The following CARMIL3 variants were observed in gnomAD, a reference collection of about 807,000 sequenced individuals.
The protein encoded by CARMIL3 is capping protein, Arp2/3 and myosin-I linker protein 3.
Under a neutral mutation model 180.8 loss-of-function variants are expected in CARMIL3, and 88 were observed. That is an observed-to-expected ratio of 0.49 (90% CI 0.41 to 0.58). CARMIL3 has a LOEUF of 0.58. CARMIL3 is among the 20% of genes least tolerant of loss of function. The pLI, the probability that CARMIL3 is intolerant of heterozygous loss-of-function variation, is 0.00. For synonymous variants in CARMIL3, 696 were observed against 714.5 expected, an observed-to-expected ratio of 0.97 and a Z score of 0.41; for missense variants, 1,548 against 1,787.0, an observed-to-expected ratio of 0.87 and a Z score of 2.41.
chr14:24,061,517 C>A lies in CARMIL3; in HGVS notation c.2325C>A (p.Val775=). 1 of 1,613,590 alleles carries A rather than the reference C, an allele frequency of 6.2e-7. No homozygotes were observed. Among genetic ancestry groups the A allele is most frequent in the Admixed American group, 1.7e-5 (1 of 59,964 alleles). The change falls in exon 27 of 40, where the codon GTC becomes GTA. Residue 775 remains valine, a synonymous_variant. Coordinates refer to ENST00000342740, the MANE Select transcript of CARMIL3 (RefSeq NM_138360.4). The surrounding 1 kb of genome is among the most constrained non-coding windows in gnomAD (Gnocchi z 4.1). ...ACTAGGTGATCCTGGAGTCCATGGT[C>A]AGCCTGACACAGGAGTTATGCCCTG... ...KELQVILESM[V]SLTQELCPVA...
chr14:24,058,232 C>T lies in CARMIL3; in HGVS notation c.1392+8C>T. The T allele has an allele frequency of 6.2e-7, 1 of 1,612,524 alleles. No individual in the cohort carries two copies. Among genetic ancestry groups the T allele is most frequent in the Non-Finnish European group, 8.5e-7 (1 of 1,179,486 alleles). Reference sequence around the variant, plus strand: ...GATCTCAGCAGCTGCGAGGTGAGCCCTCAGTCCCCAACCCCTCTGCCCGCC... The same window carrying T: ...GATCTCAGCAGCTGCGAGGTGAGCCTTCAGTCCCCAACCCCTCTGCCCGCC... On this transcript the variant is annotated splice_region_variant and intron_variant, in intron 17 of 39. Coordinates refer to ENST00000342740, the MANE Select transcript of CARMIL3 (RefSeq NM_138360.4). This position sits in a 1 kb window ranked among gnomAD's most constrained non-coding sequence, Gnocchi z 6.4.
rs2035734576 is a variant in CARMIL3 at position 24,061,595 on chromosome 14, G to T, written c.2403G>T (p.Glu801Asp). ...ACAAGATGCTGAGCAATGTGGCGGA[G>T]CGTGTCACTGTGCCCCGGAACTTCA... ...GHNKMLSNVAERVTVPRNFIR... is the reference protein window; with the variant it reads ...GHNKMLSNVADRVTVPRNFIR... The change falls in exon 27 of 40, where the codon GAG becomes GAT. Residue 801 changes from glutamate to aspartate, a missense_variant. Around this residue, in one of 4 missense-constraint regions of CARMIL3, gnomAD observed 297 missense variants for 415.9 expected, o/e 0.71. Transcript: ENST00000342740. This position sits in a 1 kb window ranked among gnomAD's most constrained non-coding sequence, Gnocchi z 4.1. 2 of 1,614,034 alleles carry T rather than the reference G, an allele frequency of 1.2e-6. No homozygotes were observed. Among genetic ancestry groups the T allele is most frequent in the Non-Finnish European group, 1.7e-6 (2 of 1,180,004 alleles).
At chr14:24,056,736 T>C (rs745823217) in intron 12 of CARMIL3, 28 bp downstream of exon 12, 11 of 1,606,960 alleles carry the variant, frequency 6.8e-6, no homozygotes, top group Middle Eastern at 1.6e-4. Context: ...CCCTGACCTC[T>C]GACCCTACCC....
Position 24,058,572 on chromosome 14 carries a change from G to C in CARMIL3, c.1393-108G>C. ...AAGAGTCTCCCTGATTTTACACCCAGATCCTGGCATGACTTTGAGTTCTGG... is the reference window on the plus strand; with the variant it reads ...AAGAGTCTCCCTGATTTTACACCCACATCCTGGCATGACTTTGAGTTCTGG... On this transcript the variant is annotated intron_variant, in intron 17 of 39. Coordinates refer to ENST00000342740, the MANE Select transcript of CARMIL3 (RefSeq NM_138360.4). This position sits in a 1 kb window ranked among gnomAD's most constrained non-coding sequence, Gnocchi z 6.4. The C allele has an allele frequency of 2.3e-6, 2 of 868,288 alleles. No individual in the cohort carries two copies. The highest frequency in any genetic ancestry group is 3.6e-6 in the Non-Finnish European group (2 of 560,734). 53.8% of individuals were successfully genotyped at this position (868,288 alleles called of 1,614,324 possible).
At chr14:24,064,190 G>A in intron 31 of CARMIL3, 56 bp from the exon 32 acceptor site, 1 of 1,218,578 alleles carries the variant, frequency 8.2e-7, no homozygotes, top group Admixed American at 1.9e-5. Context: ...TGAGTGGATG[G>A]GAGGTGGGGC....
In CARMIL3 at chr14:24,054,548, T is replaced by A; in HGVS notation, c.362+37T>A. The A allele has an allele frequency of 1.9e-6, 3 of 1,590,786 alleles. No individual in the cohort carries two copies. The highest frequency in any genetic ancestry group is 2.2e-5 in the South Asian group (2 of 90,622). ...ATAAGGGGTCTCTTAAGGCATTAGA[T>A]GAGAGGGAGAGTTCATCCCTTCCTC... On this transcript the variant is annotated intron_variant, in intron 5 of 39. Transcript: ENST00000342740. This position sits in a 1 kb window ranked among gnomAD's most constrained non-coding sequence, Gnocchi z 5.1.
Position 24,064,326 on chromosome 14 carries a change from G to C in CARMIL3, c.3060G>C (p.Arg1020Ser). Residue 1020 changes from arginine (R) to serine (S), a missense_variant, in exon 32 of 40, where the codon AGG becomes AGC. Transcript: ENST00000342740. Reference protein sequence around the residue: ...DEGLEDFFSRRVLEESSSYPR... With the variant: ...DEGLEDFFSRSVLEESSSYPR... ...GGCTGGAGGACTTCTTCAGCCGAAG[G>C]GTCCTGGAGGAAAGTTCTAGGTGTG... 6.2e-7 allele frequency: 1 copy of C among 1,611,646 alleles called. No homozygotes were observed. The highest frequency in any genetic ancestry group is 1.1e-5 in the South Asian group (1 of 90,414).
chr14:24,055,160 G>A, intron 7 of CARMIL3, 24 bp downstream of exon 7: 1 of 1,614,080 alleles, frequency 6.2e-7, no homozygotes, highest in South Asian at 1.1e-5. Context: ...GGACCCCATA[G>A]GGAACAGGTG....
rs776885158 is a variant in CARMIL3 at position 24,068,675 on chromosome 14, G to A, written c.3774G>A (p.Glu1258=). 1 of 1,613,892 alleles carries A rather than the reference G, an allele frequency of 6.2e-7. No individual in the cohort carries two copies. Among genetic ancestry groups the A allele is most frequent in the Non-Finnish European group, 8.5e-7 (1 of 1,179,900 alleles). ...AGAAGGAGGGGACCCTCTTCCCAGA[G>A]AGGACACTTCCAGCTAGGAATGCCA... The part of the protein sequence containing the change: ...EEEKEGTLFP[E]RTLPARNAKL... Residue 1258 remains glutamate, a synonymous_variant, in exon 37 of 40, where the codon GAG becomes GAA. Transcript: ENST00000342740.
chr14:24,060,163 T>C lies in CARMIL3; in HGVS notation c.1969T>C (p.Trp657Arg). The C allele has an allele frequency of 6.2e-7, 1 of 1,614,124 alleles. No individual in the cohort carries two copies. The highest frequency in any genetic ancestry group is 8.5e-7 in the Non-Finnish European group (1 of 1,180,008). ...CCAACCCCATCATCTCCAGATCCAA[T>C]GGTGCTTAGTGAGGAACAACCACTC... ...RTEDVWQKIQ[W>R]CLVRNNHSQT... Residue 657 changes from tryptophan (W) to arginine (R), a missense_variant, in exon 24 of 40, where the codon TGG becomes CGG. Physicochemically the swap from Trp to Arg is moderately radical, Grantham distance 101 (BLOSUM62 -3). Around this residue, in one of 4 missense-constraint regions of CARMIL3, gnomAD observed 297 missense variants for 415.9 expected, o/e 0.71. Transcript: ENST00000342740.
At chr14:24,067,147 A>C (rs529642191) in intron 36 of CARMIL3, among the ~76,000 whole-genome samples, 1 of 152,348 alleles carries the variant, frequency 6.6e-6, no homozygotes, top group Admixed American at 6.5e-5. Context: ...CTCGCCTCGG[A>C]GGTCAGAAAC....
In CARMIL3 at chr14:24,061,841, C is replaced by A; in HGVS notation, c.2480+169C>A. The A allele has an allele frequency of 1.2e-6, 1 of 810,916 alleles. No homozygotes were observed. Among genetic ancestry groups the A allele is most frequent in the Non-Finnish European group, 1.9e-6 (1 of 536,850 alleles). The allele number at this position is 810,916 out of a possible 1,614,324, so 50.2% of individuals were successfully genotyped here. ...CTATTTAGGGTCTGGCTGGTCTTTG[C>A]CCTAGAAATCTAAGTGCTGAGCTGG... On this transcript the variant is annotated intron_variant, in intron 27 of 39. Transcript: ENST00000342740. This position sits in a 1 kb window ranked among gnomAD's most constrained non-coding sequence, Gnocchi z 4.1.
chr14:24,057,792 TC>T lies in CARMIL3; in HGVS notation c.1141-5del, dbSNP rs755465813. 4 of 1,597,414 alleles carry T rather than the reference TC, an allele frequency of 2.5e-6. No homozygotes were observed. Among genetic ancestry groups the T allele is most frequent in the East Asian group, 2.3e-5 (1 of 44,444 alleles). On this transcript the variant is annotated splice_polypyrimidine_tract_variant and intron_variant, in intron 14 of 39. Coordinates refer to ENST00000342740, the MANE Select transcript of CARMIL3 (RefSeq NM_138360.4). Reference sequence around the variant, plus strand: ...CAGCTCCCCTGAGACCCACCATATCTCCCCCCACAGCTTCTCGGTGCCCTGC... The same window carrying T: ...CAGCTCCCCTGAGACCCACCATATCTCCCCCACAGCTTCTCGGTGCCCTGC...
rs1372196087 is a variant in CARMIL3, at chr14:24,058,474, G to A, written c.1393-206G>A. On this transcript the variant is annotated intron_variant, in intron 17 of 39. Transcript: ENST00000342740. This position sits in a 1 kb window ranked among gnomAD's most constrained non-coding sequence, Gnocchi z 6.4. ...CTTTTCCACCAGAGGGCAGGAGCAA[G>A]CTGTCTTAGGAATAGCAGCCTTCCT... Among the ~76,000 whole-genome samples, 3 of 152,202 alleles carry A rather than the reference G, an allele frequency of 2.0e-5. No individual in the cohort carries two copies. Among genetic ancestry groups the A allele is most frequent in the African/African-American group, 7.2e-5 (3 of 41,452 alleles).
rs1212315938 is a variant in CARMIL3, at chr14:24,063,125, C to T, written c.2712C>T (p.Thr904=). 1.9e-6 allele frequency: 3 copies of T among 1,613,294 alleles called. No individual in the cohort carries two copies. The highest frequency in any genetic ancestry group is 1.7e-4 in the Middle Eastern group (1 of 6,056). ...ACTCGTCTTCATTTCTGCAGGACACCATGGCCATCAAAAAGCAGAAACGCT... is the reference window on the plus strand; with the variant it reads ...ACTCGTCTTCATTTCTGCAGGACACTATGGCCATCAAAAAGCAGAAACGCT... ...TDDELGTNID[T]MAIKKQKRCR... The change falls in exon 30 of 40, where the codon ACC becomes ACT. Residue 904 remains threonine (T), a synonymous_variant. Transcript: ENST00000342740.
At chr14:24,056,558 C>T in intron 11 of CARMIL3, 64 bp from the exon 12 acceptor site, 1 of 1,564,946 alleles carries the variant, frequency 6.4e-7, no homozygotes, top group East Asian at 2.2e-5. Context: ...CCCAACCTGA[C>T]TCTGTGCCAC....
chr14:24,054,737 A>C lies in CARMIL3; in HGVS notation c.389A>C (p.Asp130Ala). The C allele has an allele frequency of 6.2e-7, 1 of 1,614,068 alleles. No homozygotes were observed. Among genetic ancestry groups the C allele is most frequent in the Non-Finnish European group, 8.5e-7 (1 of 1,179,990 alleles). Residue 130 changes from aspartate (D) to alanine (A), a missense_variant, in exon 6 of 40, where the codon GAC (aspartate) becomes GCC (alanine). Asp to Ala is a moderately radical substitution (Grantham distance 126, BLOSUM62 -2). Transcript: ENST00000342740. This position sits in a 1 kb window ranked among gnomAD's most constrained non-coding sequence, Gnocchi z 5.1. Reference protein sequence around the residue: ...PGCLIRRGNADTPEGPRDTSP... With the variant: ...PGCLIRRGNAATPEGPRDTSP... The stretch of plus-strand genomic sequence containing the variant: ...TGTTTGATCCGGCGTGGAAACGCAG[A>C]CACCCCAGAGGGGCCCCGAGATACA...
Position 24,059,752 on chromosome 14 carries a change from G to A in CARMIL3, c.1868+20G>A, listed in dbSNP as rs2035712882. The A allele has an allele frequency of 1.2e-6, 2 of 1,612,990 alleles. No individual in the cohort carries two copies. The highest frequency in any genetic ancestry group is 2.7e-5 in the African/African-American group (2 of 74,906). ...GGAGAGGTGAGTAGACCATGGTCCTGCCCTGATCCAAGTCCCCAGCCTCCC... is the reference window on the plus strand; with the variant it reads ...GGAGAGGTGAGTAGACCATGGTCCTACCCTGATCCAAGTCCCCAGCCTCCC... On this transcript the variant is annotated intron_variant, in intron 22 of 39. Transcript: ENST00000342740. The surrounding 1 kb of genome is among the most constrained non-coding windows in gnomAD (Gnocchi z 6.3).
rs2035671344 is a variant in CARMIL3, at chr14:24,056,333, G to A, written c.805G>A (p.Glu269Lys). Residue 269 changes from glutamate to lysine, a missense_variant, in exon 11 of 40, where the codon GAG (glutamate) becomes AAG (lysine). Physicochemically the swap from Glu to Lys is moderately conservative, Grantham distance 56. Around this residue, in one of 4 missense-constraint regions of CARMIL3, gnomAD observed 578 missense variants for 666.5 expected, o/e 0.87. Coordinates refer to ENST00000342740, the MANE Select transcript of CARMIL3 (RefSeq NM_138360.4). ...CCAGAAGCTGGCCGGGGTGTTTGGG[G>A]AGAACGGGAGCTGTGTGCTGCATGC... is the stretch of plus-strand genomic sequence containing the variant. ...FVQKLAGVFGENGSCVLHALT... is the reference protein window; with the variant it reads ...FVQKLAGVFGKNGSCVLHALT... The A allele has an allele frequency of 1.2e-6, 2 of 1,613,904 alleles. No individual in the cohort carries two copies. Among genetic ancestry groups the A allele is most frequent in the African/African-American group, 2.7e-5 (2 of 74,910 alleles).
Sources: allele counts gnomAD v4.1 joint callset (sites outside exome capture counted in the v4.1 genomes callset), GRCh38; gene constraint gnomAD v4.1.1; regional missense constraint gnomAD v4.1.1; non-coding constraint Gnocchi (gnomAD v3.1); transcripts MANE v1.5; gene names NCBI Gene and HGNC (gene_info 2026-07-23, HGNC 2026-07-21).